The following ABCD3 variants were observed in gnomAD, a reference collection of about 807,000 sequenced individuals.
ABCD3 encodes the protein ATP-binding cassette sub-family D member 3.
Under a neutral mutation model 105.5 loss-of-function variants are expected in ABCD3, and 41 were observed. That is an observed-to-expected ratio of 0.39 (90% CI 0.30 to 0.50). The LOEUF is 0.50. Among genes scored for constraint, ABCD3 ranks in the 20% least tolerant of loss-of-function variants. ABCD3 has a pLI of 0.84. For synonymous variants in ABCD3, 258 were observed against 269.0 expected, an observed-to-expected ratio of 0.96 and a Z score of 0.40; for missense variants, 622 against 806.3, an observed-to-expected ratio of 0.77 and a Z score of 2.77.
the ABCD3 span, chr1:94,406,472 G>A: frequency 2.4e-6 from 1 of 424,802 alleles, no homozygotes; most frequent in Non-Finnish European, 4.7e-6. Flanking sequence ...GTGCTTCTCT[G>A]GGTGGAACAG....
intron 22 of ABCD3, among the ~76,000 whole-genome samples, chr1:94,516,646 CAGAA>C (rs1650934421): frequency 2.6e-5 from 4 of 151,910 alleles, no homozygotes. Context: ...AATGGAAACT[CAGAA>C]AGCTTTCTGA....
the ABCD3 span, among the ~76,000 whole-genome samples, chr1:94,401,026 C>T: frequency 1.3e-5 from 2 of 152,180 alleles, no homozygotes; most frequent in African/African-American, 4.8e-5. Context: ...ATACCTTGTG[C>T]TATCTTGGGA....
rs1570802541 is a variant in ABCD3, at chr1:94,483,251, C to A, written c.897+12C>A. On this transcript the variant is annotated intron_variant, in intron 10 of 22. Transcript: ENST00000370214. Reference sequence around the variant, plus strand: ...TCTTCCGAAAACTGGTAAGATAACACACTTGAGGTTCATGTGTTTATGGAA... The same window carrying A: ...TCTTCCGAAAACTGGTAAGATAACAAACTTGAGGTTCATGTGTTTATGGAA... 1 of 1,606,156 alleles carries A rather than the reference C, an allele frequency of 6.2e-7. No individual in the cohort carries two copies. Among genetic ancestry groups the A allele is most frequent in the South Asian group, 1.1e-5 (1 of 90,894 alleles).
At position 94,463,159 on chromosome 1, in the gene ABCD3, G is replaced by A. The variant is rs1358119866; in HGVS notation, c.148-1616G>A. Reference sequence around the variant, plus strand: ...AGTAGACTGAGCCTGTAACTCAGTAGGATGAGGTTTGCAACTTTGTCTGAA... The same window carrying A: ...AGTAGACTGAGCCTGTAACTCAGTAAGATGAGGTTTGCAACTTTGTCTGAA... On this transcript the variant is annotated intron_variant, in intron 2 of 22. Coordinates refer to ENST00000370214, the MANE Select transcript of ABCD3 (RefSeq NM_002858.4). Among the ~76,000 whole-genome samples, 3 of 152,164 alleles carry A rather than the reference G, an allele frequency of 2.0e-5. No homozygotes were observed. In the East Asian group the frequency reaches 5.8e-4, roughly 29 times the overall value.
At chr1:94,476,545 C>T (rs754873394) in intron 7 of ABCD3, among the ~76,000 whole-genome samples, 1 of 152,144 alleles carries the variant, frequency 6.6e-6, no homozygotes, top group East Asian at 1.9e-4. Context: ...ATGATAGTAT[C>T]TTTGCCTCTG....
rs369390843 is a variant in ABCD3 at position 94,420,511 on chromosome 1, A to G, written c.110+1923A>G. Among the ~76,000 whole-genome samples, 20 of 152,312 alleles carry G rather than the reference A, an allele frequency of 1.3e-4. No homozygotes were observed. In the South Asian group the frequency reaches 1.7e-3, roughly 13 times the overall value. ...TCTTTAGCAGGAGATGTACTGAACA[A>G]AAGATTATTATTAGTCTTTTGCATT... On this transcript the variant is annotated intron_variant, in intron 1 of 22. Transcript: ENST00000370214.
chr1:94,468,844 A>C (rs1042813092), intron 4 of ABCD3, among the ~76,000 whole-genome samples: 13 of 152,162 alleles, frequency 8.5e-5, no homozygotes, highest in African/African-American at 3.1e-4. Context: ...CTTTATGACC[A>C]TGCTCTCTGA....
At chr1:94,451,203 A>G (rs940098563) in intron 1 of ABCD3, among the ~76,000 whole-genome samples, 1 of 152,092 alleles carries the variant, frequency 6.6e-6, no homozygotes, top group African/African-American at 2.4e-5. Context: ...TACAGTTTAC[A>G]TTGTTTTATA....
intron 3 of ABCD3, 40 bp downstream of exon 3, chr1:94,464,913 G>A (rs202226486): frequency 2.3e-4 from 342 of 1,507,112 alleles, no homozygotes; most frequent in Admixed American, 2.9e-4. Flanking sequence ...ATATTGGGCC[G>A]TTCTTTAATA....
At chr1:94,489,585 A>G in intron 13 of ABCD3, 140 bp from the exon 14 acceptor site, 2 of 710,198 alleles carry the variant, frequency 2.8e-6, no homozygotes, top group Non-Finnish European at 5.0e-6. Flanking sequence ...ACATGTTATC[A>G]TTAATACTTT....
rs544232333 is a variant in ABCD3, at chr1:94,434,429, A to T, written c.110+15841A>T. Among the ~76,000 whole-genome samples the T allele has an allele frequency of 3.9e-5, 6 of 152,214 alleles. No individual in the cohort carries two copies. In the South Asian group the frequency reaches 8.3e-4, roughly 21 times the overall value. ...ACATAAACAAGTAACATAGTCATTTATTATTATTATCAAGCATTAAGTACT... is the reference window on the plus strand; with the variant it reads ...ACATAAACAAGTAACATAGTCATTTTTTATTATTATCAAGCATTAAGTACT... On this transcript the variant is annotated intron_variant, in intron 1 of 22. Coordinates refer to ENST00000370214, the MANE Select transcript of ABCD3 (RefSeq NM_002858.4).
At chr1:94,480,717 A>T (rs1176275744) in intron 9 of ABCD3, 111 bp downstream of exon 9, 1 of 1,143,324 alleles carries the variant, frequency 8.7e-7, no homozygotes, top group African/African-American at 1.5e-5. Flanking sequence ...TAATGTGCAT[A>T]TTGTGTTGAA....
At chr1:94,458,982 C>T (rs1647732714) in intron 2 of ABCD3, among the ~76,000 whole-genome samples, 1 of 144,422 alleles carries the variant, frequency 6.9e-6, no homozygotes, top group Admixed American at 6.9e-5. Flanking sequence ...TCCACCTCCC[C>T]TCTCCTTTTC....
intron 1 of ABCD3, among the ~76,000 whole-genome samples, chr1:94,430,839 A>G (rs796677855): frequency 1.3e-5 from 2 of 152,322 alleles, no homozygotes; most frequent in African/African-American, 4.8e-5. Flanking sequence ...TATGACTTTA[A>G]TTTTAAAAAT....
the ABCD3 span, among the ~76,000 whole-genome samples, chr1:94,394,999 T>G: frequency 6.6e-6 from 1 of 152,210 alleles, no homozygotes; most frequent in African/African-American, 2.4e-5. Flanking sequence ...TTCAGTGCCT[T>G]ACATTTGTCC....
the ABCD3 span, among the ~76,000 whole-genome samples, chr1:94,402,283 T>C: frequency 6.6e-6 from 1 of 152,238 alleles, no homozygotes; most frequent in African/African-American, 2.4e-5. Flanking sequence ...AAATTTTCTA[T>C]TTTCTAAACA....
At chr1:94,496,891 C>T (rs1297750825) in intron 16 of ABCD3, among the ~76,000 whole-genome samples, 1 of 151,618 alleles carries the variant, frequency 6.6e-6, no homozygotes, top group South Asian at 2.1e-4. Context: ...CCTCAGCCTC[C>T]TGAGTAGCTG....
At chr1:94,478,596 A>G (rs901515477) in intron 8 of ABCD3, 5 of 1,431,202 alleles carry the variant, frequency 3.5e-6, no homozygotes, top group Admixed American at 3.7e-5. Flanking sequence ...CATGCCTGTA[A>G]TCCCAGCACT....
chr1:94,410,841 G>A, the ABCD3 span, among the ~76,000 whole-genome samples: 1 of 152,212 alleles, frequency 6.6e-6, no homozygotes, highest in African/African-American at 2.4e-5. Context: ...AAAAGCCTGA[G>A]AAGATTGGGT....
Sources: gnomAD v4.1 joint callset for allele counts (sites outside exome capture counted in the v4.1 genomes callset) on GRCh38, gnomAD v4.1.1 for gene constraint, MANE v1.5 for transcripts, NCBI Gene and HGNC (gene_info 2026-07-23, HGNC 2026-07-21) for gene names.